Variants in RETREG1 observed in about 807,000 individuals in gnomAD.
RETREG1 encodes the protein family with sequence similarity 134 member B.
Under a neutral mutation model 54.8 loss-of-function variants are expected in RETREG1, and 44 were observed. The observed-to-expected ratio is 0.80, with a 90% CI of 0.63 to 1.03. RETREG1 has a LOEUF of 1.03. Among genes scored for constraint, RETREG1 ranks in the 50% least tolerant of loss-of-function variants. RETREG1 has a pLI of 0.00. For synonymous variants in RETREG1, 217 were observed against 238.5 expected, an observed-to-expected ratio of 0.91 and a Z score of 0.83; for missense variants, 554 against 605.1, an observed-to-expected ratio of 0.92 and a Z score of 0.89.
rs1579733155 is a variant in RETREG1, at chr5:16,614,258, T to G, written c.320+2394A>C. Reference sequence around the variant, plus strand: ...TAAAGAAAACATCATAGAAAAAAGTTTGCAACTCATGTTACAGAAATTAGG... The same window carrying G: ...TAAAGAAAACATCATAGAAAAAAGTGTGCAACTCATGTTACAGAAATTAGG... On this transcript the variant is annotated intron_variant, in intron 1 of 8. Coordinates refer to ENST00000306320, the MANE Select transcript of RETREG1 (RefSeq NM_001034850.3). 3.9e-5 allele frequency among the ~76,000 whole-genome samples: 6 copies of G among 152,210 alleles called. No individual in the cohort carries two copies. The South Asian group carries it at 1.2e-3, about 32-fold the overall frequency.
rs568977185 is a variant in RETREG1, at chr5:16,570,340, G to A, written c.427+1656C>T. On this transcript the variant is annotated intron_variant, in intron 2 of 8. Transcript: ENST00000306320. ...AATATCAAGCCCATGAGTCAACAGCGGAAACGATCTGTGTGTGAGGGGCCA... is the reference window on the plus strand; with the variant it reads ...AATATCAAGCCCATGAGTCAACAGCAGAAACGATCTGTGTGTGAGGGGCCA... Among the ~76,000 whole-genome samples the A allele has an allele frequency of 4.3e-4, 65 of 152,280 alleles. No individual in the cohort carries two copies. In the South Asian group the frequency reaches 5.0e-3, roughly 12 times the overall value.
chr5:16,517,227 C>G (rs958711477), intron 3 of RETREG1, among the ~76,000 whole-genome samples: 4 of 149,174 alleles, frequency 2.7e-5, no homozygotes, highest in Non-Finnish European at 4.5e-5. Flanking sequence ...AGCTTACATC[C>G]AGAAAACAAA....
chr5:16,535,286 A>G (rs900462919), intron 3 of RETREG1, among the ~76,000 whole-genome samples: 1 of 152,256 alleles, frequency 6.6e-6, no homozygotes, highest in Non-Finnish European at 1.5e-5. Flanking sequence ...AGGATACCAC[A>G]TGTGAAGAGA....
chr5:16,510,818 C>CAAAAAAAAAAAAAAAAAAA (rs57713373), intron 3 of RETREG1, among the ~76,000 whole-genome samples: 1 of 75,712 alleles, frequency 1.3e-5, no homozygotes, highest in Non-Finnish European at 2.4e-5. Context: ...ACAACAACAA[C>CAAAAAAAAAAAAAAAAAAA]AAAAAAAAAA....
chr5:16,573,180 C>CAAAAAAA (rs11303408), intron 1 of RETREG1, among the ~76,000 whole-genome samples: 10 of 45,148 alleles, frequency 2.2e-4, no homozygotes, highest in African/African-American at 4.5e-4. Flanking sequence ...GATTCTGTCT[C>CAAAAAAA]AAAAAAAAAA....
intron 3 of RETREG1, among the ~76,000 whole-genome samples, chr5:16,541,777 GAA>G (rs1217188720): frequency 1.4e-5 from 2 of 147,094 alleles, no homozygotes; most frequent in Non-Finnish European, 3.0e-5. Context: ...AGGAAGGAAG[GAA>G]GGAAGGAAGG....
chr5:16,539,470 C>T (rs538629368), intron 3 of RETREG1, among the ~76,000 whole-genome samples: 14 of 152,254 alleles, frequency 9.2e-5, no homozygotes, highest in African/African-American at 3.4e-4. Context: ...TTCATAATCC[C>T]GGGCCCGGTC....
chr5:16,562,177 T>C (rs1741872407), intron 3 of RETREG1, among the ~76,000 whole-genome samples: 1 of 152,034 alleles, frequency 6.6e-6, no homozygotes, highest in Non-Finnish European at 1.5e-5. Context: ...TAGCCAGGCG[T>C]GGTGGCACAT....
intron 3 of RETREG1, among the ~76,000 whole-genome samples, chr5:16,518,652 C>T (rs1269227929): frequency 6.6e-6 from 1 of 151,994 alleles, no homozygotes; most frequent in Non-Finnish European, 1.5e-5. Flanking sequence ...AAAGAAATAC[C>T]CACTCACTTG....
intron 3 of RETREG1, among the ~76,000 whole-genome samples, chr5:16,530,075 T>C (rs1025741352): frequency 2.6e-5 from 4 of 152,228 alleles, no homozygotes; most frequent in African/African-American, 9.6e-5. Flanking sequence ...CCTTCCCAGA[T>C]GCTTATCCCA....
intron 3 of RETREG1, among the ~76,000 whole-genome samples, chr5:16,556,286 G>A (rs548469113): frequency 6.6e-6 from 1 of 152,028 alleles, no homozygotes; most frequent in East Asian, 1.9e-4. Flanking sequence ...AGCCTCCGGA[G>A]CTGGGACTAC....
intron 3 of RETREG1, among the ~76,000 whole-genome samples, chr5:16,564,716 T>C (rs1478170583): frequency 1.3e-5 from 2 of 152,106 alleles, no homozygotes. Flanking sequence ...TCTTCTTATA[T>C]CCAATGTCAC....
rs386403108 is a variant in RETREG1, at chr5:16,527,800, A to ATTTTTTTTTTTTTTTTTTTTTTTT, written c.458+37939_458+37962dup. ...CTTAGTACAATTTCGAGGGACTCTAATTTTTTTTTTTTTTTTTTTTTTTTT... is the reference window on the plus strand; with the variant it reads ...CTTAGTACAATTTCGAGGGACTCTAATTTTTTTTTTTTTTTTTTTTTTTTTTTTTTTTTTTTTTTTTTTTTTTTT... On this transcript the variant is annotated intron_variant, in intron 3 of 8. Transcript: ENST00000306320. Among the ~76,000 whole-genome samples, 2 of 66,262 alleles carry ATTTTTTTTTTTTTTTTTTTTTTTT rather than the reference A, an allele frequency of 3.0e-5. 1 individual carries two copies. Among genetic ancestry groups the ATTTTTTTTTTTTTTTTTTTTTTTT allele is most frequent in the African/African-American group, 1.2e-4 (2 of 17,148 alleles). 43.5% of individuals were successfully genotyped at this position (66,262 alleles called of 152,430 possible).
intron 3 of RETREG1, among the ~76,000 whole-genome samples, chr5:16,554,248 A>G (rs1741625689): frequency 6.6e-6 from 1 of 152,176 alleles, no homozygotes; most frequent in African/African-American, 2.4e-5. Context: ...TGATGCTGAC[A>G]TTTCCGAGGC....
intron 1 of RETREG1, among the ~76,000 whole-genome samples, chr5:16,580,704 G>T (rs1018470156): frequency 3.3e-5 from 5 of 152,170 alleles, no homozygotes; most frequent in Non-Finnish European, 7.3e-5. Context: ...AGTACAGGCT[G>T]CCCAGAAGAC....
At chr5:16,572,582 A>C (rs1303843821) in intron 1 of RETREG1, among the ~76,000 whole-genome samples, 1 of 152,224 alleles carries the variant, frequency 6.6e-6, no homozygotes, top group Admixed American at 6.5e-5. Context: ...AAAGTCAGCA[A>C]AATGAAAGTG....
chr5:16,544,789 T>G (rs1471234186), intron 3 of RETREG1, among the ~76,000 whole-genome samples: 1 of 152,232 alleles, frequency 6.6e-6, no homozygotes, highest in Non-Finnish European at 1.5e-5. Context: ...TTTACTGCAC[T>G]GTCTTGATGA....
rs1561078341 is a variant in RETREG1 at position 16,478,962 on chromosome 5, CAATGGACACAAA to C, written c.684_695del (p.Phe228_Pro231del). ...TTTGTCCAATATCATTACATTTAAACAATGGACACAAAAATGCACACAGTACTGAAAGAAGAA... is the reference window on the plus strand; with the variant it reads ...TTTGTCCAATATCATTACATTTAAACAATGCACACAGTACTGAAAGAAGAA... On this transcript the variant is annotated inframe_deletion, in exon 6 of 9. Transcript: ENST00000306320. The C allele has an allele frequency of 6.2e-7, 1 of 1,611,948 alleles. No individual in the cohort carries two copies. Among genetic ancestry groups the C allele is most frequent in the African/African-American group, 1.3e-5 (1 of 74,916 alleles).
At chr5:16,592,254 A>G (rs924880983) in intron 1 of RETREG1, among the ~76,000 whole-genome samples, 3 of 152,230 alleles carry the variant, frequency 2.0e-5, no homozygotes, top group Non-Finnish European at 4.4e-5. Context: ...AAGAACAGAC[A>G]CTTTTCAAAA....
Sources: gnomAD v4.1 joint callset for allele counts (sites outside exome capture counted in the v4.1 genomes callset) on GRCh38, gnomAD v4.1.1 for gene constraint, MANE v1.5 for transcripts, NCBI Gene and HGNC (gene_info 2026-07-23, HGNC 2026-07-21) for gene names.